DNAI4: variants seen among roughly 807,000 people sequenced by gnomAD.
DNAI4 encodes dynein axonemal intermediate chain 4, also known as WD repeat domain 78.
Under a neutral mutation model 105.8 loss-of-function variants are expected in DNAI4, and 85 were observed. The observed-to-expected ratio is 0.80, with a 90% CI of 0.67 to 0.96. The LOEUF (loss-of-function observed/expected upper bound fraction) is 0.96. Among genes scored for constraint, DNAI4 ranks in the 40% least tolerant of loss-of-function variants. The pLI is 0.00. For synonymous variants in DNAI4, 352 were observed against 331.5 expected, an observed-to-expected ratio of 1.06 and a Z score of -0.67; for missense variants, 1,014 against 1,005.6, an observed-to-expected ratio of 1.01 and a Z score of -0.11.
intron 10 of DNAI4, among the ~76,000 whole-genome samples, chr1:66,836,746 C>A (rs1188258952): frequency 6.6e-6 from 1 of 152,162 alleles, no homozygotes; most frequent in Admixed American, 6.5e-5. Flanking sequence ...TATGACATAT[C>A]GCTAAGTTTA....
chr1:66,831,413 T>C (rs960938168), intron 13 of DNAI4, among the ~76,000 whole-genome samples: 13 of 152,186 alleles, frequency 8.5e-5, no homozygotes, highest in African/African-American at 2.9e-4. Flanking sequence ...ATCAAATGTA[T>C]TCGTATATTA....
intron 1 of DNAI4, among the ~76,000 whole-genome samples, chr1:66,910,612 T>G (rs1360324436): frequency 6.6e-6 from 1 of 152,252 alleles, no homozygotes; most frequent in Non-Finnish European, 1.5e-5. Flanking sequence ...GCGCAGCCCC[T>G]GTGCCTCAGG....
intron 1 of DNAI4, among the ~76,000 whole-genome samples, chr1:66,910,593 GAAC>G (rs766583523): frequency 8.3e-4 from 127 of 152,354 alleles, no homozygotes; most frequent in Non-Finnish European, 1.4e-3. Context: ...CCAAATGCCA[GAAC>G]AACAGGCGCA....
At chr1:66,829,183 C>A (rs1053111363) in intron 13 of DNAI4, among the ~76,000 whole-genome samples, 12 of 152,034 alleles carry the variant, frequency 7.9e-5, no homozygotes, top group Admixed American at 7.9e-4. Flanking sequence ...TTATATATGC[C>A]CCCTTCAAGC....
At chr1:66,841,871 AC>A (rs1246392732) in intron 8 of DNAI4, among the ~76,000 whole-genome samples, 3 of 152,228 alleles carry the variant, frequency 2.0e-5, no homozygotes, top group Non-Finnish European at 4.4e-5. Flanking sequence ...GGGTTCACGC[AC>A]AGTATTGTAT....
intron 5 of DNAI4, among the ~76,000 whole-genome samples, chr1:66,873,206 CCTT>C (rs1207412020): frequency 6.6e-6 from 1 of 150,844 alleles, no homozygotes; most frequent in Non-Finnish European, 1.5e-5. Flanking sequence ...CTCTCCCTCT[CCTT>C]CTCCCTCCTC....
chr1:66,829,880 G>A (rs1350439775), intron 13 of DNAI4, among the ~76,000 whole-genome samples: 5 of 152,076 alleles, frequency 3.3e-5, no homozygotes, highest in African/African-American at 1.2e-4. Context: ...TCTAATTATG[G>A]TGGGATTGAA....
At chr1:66,839,452 T>C (rs1346208853) in intron 9 of DNAI4, among the ~76,000 whole-genome samples, 1 of 152,204 alleles carries the variant, frequency 6.6e-6, no homozygotes, top group Non-Finnish European at 1.5e-5. Flanking sequence ...TTAATAACTA[T>C]GACAACTGTC....
intron 2 of DNAI4, among the ~76,000 whole-genome samples, chr1:66,899,888 T>C (rs1648661414): frequency 6.6e-6 from 1 of 152,190 alleles, no homozygotes; most frequent in South Asian, 2.1e-4. Context: ...GGTTTATTTC[T>C]GAACTCTCAA....
At chr1:66,874,492 A>C (rs1646919658) in intron 5 of DNAI4, among the ~76,000 whole-genome samples, 1 of 152,136 alleles carries the variant, frequency 6.6e-6, no homozygotes, top group South Asian at 2.1e-4. Flanking sequence ...AGAGACTTGG[A>C]AGCTTATTCT....
chr1:66,872,519 C>G (rs115249701), intron 5 of DNAI4, among the ~76,000 whole-genome samples: 13 of 151,920 alleles, frequency 8.6e-5, no homozygotes, highest in Admixed American at 7.9e-4. Flanking sequence ...TGTGAGCCAC[C>G]GTGCCTGGCC....
At chr1:66,852,176 TA>T (rs1192246296) in intron 7 of DNAI4, among the ~76,000 whole-genome samples, 1 of 151,668 alleles carries the variant, frequency 6.6e-6, no homozygotes, top group Non-Finnish European at 1.5e-5. Context: ...AAACAACTAT[TA>T]AAAATTATAT....
At chr1:66,867,365 T>C (rs1194541825) in intron 6 of DNAI4, among the ~76,000 whole-genome samples, 1 of 152,216 alleles carries the variant, frequency 6.6e-6, no homozygotes, top group Admixed American at 6.5e-5. Flanking sequence ...TTTACTGAAT[T>C]ATCTCCTCCC....
intron 6 of DNAI4, among the ~76,000 whole-genome samples, chr1:66,868,348 C>A (rs1339993271): frequency 2.0e-5 from 3 of 152,120 alleles, no homozygotes; most frequent in Admixed American, 6.5e-5. Context: ...TATATGTCAA[C>A]CTGACTGGGC....
At chr1:66,904,843 A>G (rs1649117405) in intron 2 of DNAI4, 1 of 223,912 alleles carries the variant, frequency 4.5e-6, no homozygotes, top group South Asian at 1.8e-4. Flanking sequence ...TGAATCTTCT[A>G]GTAAGGCAAA....
At chr1:66,918,759 G>T (rs1453028426) in intron 1 of DNAI4, among the ~76,000 whole-genome samples, 1 of 152,032 alleles carries the variant, frequency 6.6e-6, no homozygotes, top group African/African-American at 2.4e-5. Flanking sequence ...TGAGACCAGA[G>T]ACTCATTTTC....
chr1:66,877,017 T>C (rs753723246), intron 4 of DNAI4, among the ~76,000 whole-genome samples: 1 of 152,206 alleles, frequency 6.6e-6, no homozygotes, highest in Non-Finnish European at 1.5e-5. Context: ...CATAATGTGA[T>C]ATTTTGGCTC....
chr1:66,848,849 A>G (rs1440170087), intron 7 of DNAI4, among the ~76,000 whole-genome samples: 1 of 152,196 alleles, frequency 6.6e-6, no homozygotes, highest in African/African-American at 2.4e-5. Context: ...GATGGCAGCC[A>G]TTCTACTCCA....
chr1:66,904,076 T>C (rs1376467832), intron 2 of DNAI4, among the ~76,000 whole-genome samples: 1 of 151,966 alleles, frequency 6.6e-6, no homozygotes, highest in Non-Finnish European at 1.5e-5. Context: ...TATGTGTATA[T>C]ACACACATAA....
Sources: gnomAD v4.1 joint callset for allele counts (sites outside exome capture counted in the v4.1 genomes callset) on GRCh38, gnomAD v4.1.1 for gene constraint, MANE v1.5 for transcripts, NCBI Gene and HGNC (gene_info 2026-07-23, HGNC 2026-07-21) for gene names.